The following PRKG1 variants were observed in gnomAD, a reference collection of about 807,000 sequenced individuals.
The protein encoded by PRKG1 is cGMP-dependent protein kinase 1.
In PRKG1, 35 loss-of-function variants were observed where a neutral mutation model predicts 88.1. The ratio of observed to expected loss-of-function variants is 0.40; its 90% CI spans 0.30 to 0.53. PRKG1 has a LOEUF of 0.53. Ranked by LOEUF, PRKG1 falls within the 20% of genes least tolerant of loss-of-function variation. PRKG1 has a pLI of 0.59. For missense variants in PRKG1, 540 were observed against 839.8 expected (o/e 0.64, Z 4.41); for synonymous variants, 303 against 292.5 (o/e 1.04, Z -0.37).
intron 5 of PRKG1, among the ~76,000 whole-genome samples, chr10:51,948,719 C>G (rs570962415): frequency 7.2e-5 from 11 of 152,182 alleles, no homozygotes; most frequent in Non-Finnish European, 1.5e-4. Flanking sequence ...GCTATCATCA[C>G]CACCACAACC....
rs111612216 is a variant in PRKG1 at position 51,135,875 on chromosome 10, A to G, written c.312-17289A>G. On this transcript the variant is annotated intron_variant, in intron 1 of 17. Transcript: ENST00000373980. The stretch of plus-strand genomic sequence containing the variant: ...CAAAGTTGAGTTGATAGATGAAGGT[A>G]TCCTAACCTAGAAGTGGCATGGACT... Among the ~76,000 whole-genome samples, 366 of 149,468 alleles carry G rather than the reference A, an allele frequency of 2.4e-3. 3 individuals carry two copies. Among genetic ancestry groups the G allele is most frequent in the African/African-American group, 8.7e-3 (352 of 40,618 alleles).
At chr10:52,178,791 G>T (rs923895670) in intron 9 of PRKG1, among the ~76,000 whole-genome samples, 1 of 151,772 alleles carries the variant, frequency 6.6e-6, no homozygotes, top group Non-Finnish European at 1.5e-5. Context: ...ATCTTGTTTT[G>T]TCTGATGTAA....
intron 2 of PRKG1, among the ~76,000 whole-genome samples, chr10:51,447,171 A>C (rs1457242123): frequency 1.3e-5 from 2 of 152,038 alleles, no homozygotes; most frequent in Non-Finnish European, 2.9e-5. Flanking sequence ...CAAATAAATA[A>C]AGGCCATAAG....
chr10:52,169,817 T>C (rs1334524504), intron 9 of PRKG1, among the ~76,000 whole-genome samples: 1 of 152,120 alleles, frequency 6.6e-6, no homozygotes, highest in African/African-American at 2.4e-5. Context: ...AATGGAAGAT[T>C]ATGGATCTTC....
At chr10:50,992,858 T>C (rs1441757532) in intron 1 of PRKG1, among the ~76,000 whole-genome samples, 1 of 152,164 alleles carries the variant, frequency 6.6e-6, no homozygotes, top group East Asian at 1.9e-4. Context: ...CTCAGGATAT[T>C]GAATATTCCA....
chr10:51,432,992 C>G (rs1234182655), intron 2 of PRKG1, among the ~76,000 whole-genome samples: 2 of 152,104 alleles, frequency 1.3e-5, no homozygotes, highest in Non-Finnish European at 2.9e-5. Flanking sequence ...GATAAATCCT[C>G]CTCTTTACAG....
intron 2 of PRKG1, among the ~76,000 whole-genome samples, chr10:51,319,377 A>C (rs1841399031): frequency 6.6e-6 from 1 of 152,184 alleles, no homozygotes; most frequent in Admixed American, 6.5e-5. Context: ...CAAGAACATA[A>C]TTCTTTGACC....
chr10:51,845,207 A>AT (rs936493485), intron 4 of PRKG1, among the ~76,000 whole-genome samples: 4 of 151,876 alleles, frequency 2.6e-5, no homozygotes, highest in East Asian at 1.9e-4. Context: ...CAACTTTCAT[A>AT]TTTTTTTATG....
intron 2 of PRKG1, among the ~76,000 whole-genome samples, chr10:51,196,272 G>A (rs528861894): frequency 6.6e-6 from 1 of 152,246 alleles, no homozygotes; most frequent in South Asian, 2.1e-4. Flanking sequence ...TATGTGTGGG[G>A]GAGAGGGAAG....
intron 7 of PRKG1, among the ~76,000 whole-genome samples, chr10:52,063,872 C>G (rs1370335251): frequency 6.6e-6 from 1 of 152,168 alleles, no homozygotes; most frequent in Non-Finnish European, 1.5e-5. Flanking sequence ...GAGTGGGTAG[C>G]TCCTCTCTGC....
At chr10:52,032,500 C>T (rs1845497515) in intron 5 of PRKG1, among the ~76,000 whole-genome samples, 2 of 152,058 alleles carry the variant, frequency 1.3e-5, no homozygotes, top group African/African-American at 2.4e-5. Context: ...AATTGTCTAG[C>T]ATGTGATAAA....
chr10:51,490,114 T>A (rs1477680100), intron 3 of PRKG1, among the ~76,000 whole-genome samples: 1 of 152,150 alleles, frequency 6.6e-6, no homozygotes, highest in East Asian at 1.9e-4. Context: ...CACAATTATA[T>A]CAGAGTATTT....
At chr10:51,973,233 T>C (rs1256501766) in intron 5 of PRKG1, among the ~76,000 whole-genome samples, 1 of 152,180 alleles carries the variant, frequency 6.6e-6, no homozygotes, top group Non-Finnish European at 1.5e-5. Context: ...GGTGAAATGA[T>C]CTGCCTCACA....
At chr10:52,210,600 T>C (rs910108641) in intron 9 of PRKG1, among the ~76,000 whole-genome samples, 6 of 152,200 alleles carry the variant, frequency 3.9e-5, no homozygotes, top group African/African-American at 1.2e-4. Context: ...CCTCCATCAC[T>C]GTGTGCAAAT....
rs532245645 is a variant in PRKG1, at chr10:51,384,314, T to C, written c.479-83409T>C. Among the ~76,000 whole-genome samples, 5 of 152,208 alleles carry C rather than the reference T, an allele frequency of 3.3e-5. 1 individual carries two copies. The South Asian group carries it at 1.0e-3, about 32-fold the overall frequency. Reference sequence around the variant, plus strand: ...TTCATAAAAACAAATGTTATAAAATTATATTTATCCCCAAGGACACTAAAA... The same window carrying C: ...TTCATAAAAACAAATGTTATAAAATCATATTTATCCCCAAGGACACTAAAA... On this transcript the variant is annotated intron_variant, in intron 2 of 17. Coordinates refer to ENST00000373980, the MANE Select transcript of PRKG1 (RefSeq NM_006258.4).
chr10:51,956,470 T>C (rs1057046346), intron 5 of PRKG1, among the ~76,000 whole-genome samples: 1 of 152,088 alleles, frequency 6.6e-6, no homozygotes, highest in Non-Finnish European at 1.5e-5. Flanking sequence ...ATCTGCCCAA[T>C]TGATACTTAA....
chr10:51,698,555 T>C (rs770755758), intron 3 of PRKG1: 5 of 1,614,058 alleles, frequency 3.1e-6, no homozygotes, highest in Non-Finnish European at 4.2e-6. Flanking sequence ...ATTTGGAGCA[T>C]CTCCTAACAG....
chr10:52,145,543 G>T (rs1262896101), intron 8 of PRKG1, among the ~76,000 whole-genome samples: 1 of 152,134 alleles, frequency 6.6e-6, no homozygotes, highest in Non-Finnish European at 1.5e-5. Context: ...TGCTTCTTGT[G>T]TTCCAGAGGT....
At chr10:51,784,632 A>G (rs1838682670) in intron 3 of PRKG1, among the ~76,000 whole-genome samples, 1 of 152,110 alleles carries the variant, frequency 6.6e-6, no homozygotes, top group South Asian at 2.1e-4. Flanking sequence ...GAGCAACCCA[A>G]TTGAACTGTG....
Sources: gnomAD v4.1 joint callset for allele counts (sites outside exome capture counted in the v4.1 genomes callset) on GRCh38, gnomAD v4.1.1 for gene constraint, MANE v1.5 for transcripts, NCBI Gene and HGNC (gene_info 2026-07-23, HGNC 2026-07-21) for gene names.